Variants in TBC1D9 observed in about 807,000 individuals in gnomAD.
TBC1D9 encodes TBC1 domain family member 9A.
A neutral mutation model predicts 132.0 loss-of-function variants in TBC1D9; 63 were observed. The observed-to-expected ratio is 0.48, with a 90% CI of 0.39 to 0.59. TBC1D9 has a LOEUF of 0.59. Among genes scored for constraint, TBC1D9 ranks in the 20% least tolerant of loss-of-function variants. The pLI, the probability that TBC1D9 is intolerant of heterozygous loss-of-function variation, is 0.00. For missense variants in TBC1D9, 1,261 were observed against 1,592.7 expected, an observed-to-expected ratio of 0.79 and a Z score of 3.54; for synonymous variants, 610 against 609.9, an observed-to-expected ratio of 1.00 and a Z score of 0.00.
intron 1 of TBC1D9, among the ~76,000 whole-genome samples, chr4:140,731,439 C>T (rs1023003714): frequency 3.9e-5 from 6 of 152,090 alleles, no homozygotes; most frequent in Non-Finnish European, 7.4e-5. Flanking sequence ...CACGTGTAAT[C>T]CCAGCTACTT....
intron 1 of TBC1D9, among the ~76,000 whole-genome samples, chr4:140,720,837 T>C (rs1372299717): frequency 1.3e-5 from 2 of 152,218 alleles, no homozygotes; most frequent in African/African-American, 4.8e-5. Context: ...AGGTTTAATA[T>C]TTTCTGTTTG....
intron 1 of TBC1D9, among the ~76,000 whole-genome samples, chr4:140,707,420 T>A (rs1421495633): frequency 6.6e-6 from 1 of 152,212 alleles, no homozygotes; most frequent in Non-Finnish European, 1.5e-5. Flanking sequence ...TTGGATTTAC[T>A]TCTTTATATA....
chr4:140,742,963 T>C (rs1191143037), intron 1 of TBC1D9, among the ~76,000 whole-genome samples: 4 of 146,886 alleles, frequency 2.7e-5, no homozygotes, highest in Non-Finnish European at 4.5e-5. Flanking sequence ...AAAATGTACA[T>C]ACAGTATCAG....
At chr4:140,733,472 C>T (rs570767893) in intron 1 of TBC1D9, among the ~76,000 whole-genome samples, 1 of 152,262 alleles carries the variant, frequency 6.6e-6, no homozygotes, top group East Asian at 1.9e-4. Flanking sequence ...CTCTGTAATG[C>T]CTAGACCTCC....
intron 2 of TBC1D9, among the ~76,000 whole-genome samples, chr4:140,687,992 G>A (rs1258616364): frequency 1.3e-5 from 2 of 152,070 alleles, no homozygotes; most frequent in Admixed American, 6.6e-5. Flanking sequence ...GGGAGGAGGA[G>A]GTGAGAGGTC....
rs187381954 is a variant in TBC1D9 at position 140,708,689 on chromosome 4, G to A, written c.131-7075C>T. On this transcript the variant is annotated intron_variant, in intron 1 of 20. Transcript: ENST00000442267. ...TATAAATGCGCCAGAGTTCCTAGAG[G>A]CACCATAGCCAATGTGAAGGTACAT... is the stretch of plus-strand genomic sequence containing the variant. 1.1e-3 allele frequency among the ~76,000 whole-genome samples: 160 copies of A among 152,238 alleles called. 1 individual carries two copies. The highest frequency in any genetic ancestry group is 1.4e-3 in the African/African-American group (59 of 41,532).
chr4:140,640,034 C>T (rs552585561), intron 13 of TBC1D9, among the ~76,000 whole-genome samples: 19 of 152,136 alleles, frequency 1.2e-4, no homozygotes, highest in Non-Finnish European at 2.2e-4. Context: ...AAAAGAAAGA[C>T]AAAGAAACCC....
In TBC1D9 at chr4:140,679,202, C is replaced by T. The variant is rs201813694; in HGVS notation, c.591G>A (p.Ala197=). The T allele has an allele frequency of 3.6e-4, 577 of 1,612,188 alleles. No individual in the cohort carries two copies. Among genetic ancestry groups the T allele is most frequent in the Non-Finnish European group, 4.1e-4 (488 of 1,178,674 alleles). ...TGTCTACCCACCGGATGACCAGTTT[C>T]GCTGAGCACAAGGAACAAGCCTGGG... ...CFYSFLMGRE[A]KLVIRWVDIT... The change falls in exon 5 of 21, where the codon GCG becomes GCA. Residue 197 remains alanine, a splice_region_variant and synonymous_variant. Coordinates refer to ENST00000442267, the MANE Select transcript of TBC1D9 (RefSeq NM_015130.3).
At chr4:140,735,723 AAAAAT>A (rs1191173481) in intron 1 of TBC1D9, among the ~76,000 whole-genome samples, 2 of 152,198 alleles carry the variant, frequency 1.3e-5, no homozygotes, top group Non-Finnish European at 2.9e-5. Flanking sequence ...ATAAGTAAAT[AAAAAT>A]AAAAGTGTAC....
rs943075115 is a variant in TBC1D9 at position 140,645,405 on chromosome 4, G to A, written c.2338-5977C>T. On this transcript the variant is annotated intron_variant, in intron 13 of 20. Transcript: ENST00000442267. ...TGCTTCACCCTGGACACCAGAGCCCGCGCATCCAAATGCCTTGGCACTCTC... is the reference window on the plus strand; with the variant it reads ...TGCTTCACCCTGGACACCAGAGCCCACGCATCCAAATGCCTTGGCACTCTC... 7 of 456,772 alleles carry A rather than the reference G, an allele frequency of 1.5e-5. No individual in the cohort carries two copies. The East Asian group carries it at 2.0e-4, about 13-fold the overall frequency. The allele number at this position is 456,772 out of a possible 1,614,324, so 28.3% of individuals were successfully genotyped here. A position where few individuals can be genotyped will look rare whatever the true frequency, so the allele number is the denominator to read the frequency against.
intron 2 of TBC1D9, among the ~76,000 whole-genome samples, chr4:140,699,034 T>A (rs62346917): frequency 0.024 from 3,587 of 152,232 alleles, 49 homozygotes; most frequent in Middle Eastern, 0.037. Context: ...CTTTATATTT[T>A]TAGATCCCAG....
Position 140,622,810 on chromosome 4 carries a change from C to T in TBC1D9, c.3186G>A (p.Glu1062=), listed in dbSNP as rs115138266. Residue 1062 remains glutamate, a synonymous_variant, in exon 21 of 21, where the codon GAG becomes GAA. Coordinates refer to ENST00000442267, the MANE Select transcript of TBC1D9 (RefSeq NM_015130.3). ...CGAACAACTTGCCGACCTCCCCAAT[C>T]TCCAGCAGGAGGCTGGTCACTGCTG... The part of the protein sequence containing the change: ...ATAAVTSLLL[E]IGEVGKLFVA... 7.7e-4 allele frequency: 1,238 copies of T among 1,601,466 alleles called. 7 individuals are homozygous for T. The African/African-American group carries it at 0.015, about 19-fold the overall frequency.
chr4:140,731,524 T>C (rs1738589400), intron 1 of TBC1D9, among the ~76,000 whole-genome samples: 1 of 152,116 alleles, frequency 6.6e-6, no homozygotes, highest in Non-Finnish European at 1.5e-5. Context: ...AAAACCTGTC[T>C]CTATAAAAAT....
intron 2 of TBC1D9, among the ~76,000 whole-genome samples, chr4:140,694,151 G>C (rs1389651635): frequency 6.6e-6 from 1 of 152,090 alleles, no homozygotes; most frequent in Non-Finnish European, 1.5e-5. Flanking sequence ...AATGTGCAAA[G>C]ATTTTGTTGG....
At chr4:140,746,067 C>T (rs911165894) in intron 1 of TBC1D9, among the ~76,000 whole-genome samples, 3 of 152,190 alleles carry the variant, frequency 2.0e-5, no homozygotes, top group Non-Finnish European at 4.4e-5. Context: ...TTGATATGGA[C>T]TTAATTAGTC....
chr4:140,746,286 C>T (rs957390219), intron 1 of TBC1D9, among the ~76,000 whole-genome samples: 2 of 152,132 alleles, frequency 1.3e-5, no homozygotes, highest in African/African-American at 2.4e-5. Context: ...TTTTGTATAA[C>T]GAGAAACTGT....
chr4:140,634,019 G>A lies in TBC1D9; in HGVS notation c.2675C>T (p.Ser892Phe), dbSNP rs747307501. 2 of 1,613,972 alleles carry A rather than the reference G, an allele frequency of 1.2e-6. No individual in the cohort carries two copies. The highest frequency in any genetic ancestry group is 1.7e-6 in the Non-Finnish European group (2 of 1,179,888). The change falls in exon 16 of 21, where the codon TCC becomes TTC. Residue 892 changes from serine (S) to phenylalanine (F), a missense_variant. By Grantham distance (155) the Ser-to-Phe change is radical. Transcript: ENST00000442267. ...TTCATCTAATAACTGGAACAAGCGGGAGGCCAGAACGTCAGAGTGAGTTCC... is the reference window on the plus strand; with the variant it reads ...TTCATCTAATAACTGGAACAAGCGGAAGGCCAGAACGTCAGAGTGAGTTCC... ...ACGTHSDVLA[S>F]RLFQLLDENG...
chr4:140,756,094 C>CCTG lies in TBC1D9; in HGVS notation c.-50_-49insCAG. The CCTG allele has an allele frequency of 6.6e-7, 1 of 1,504,088 alleles. No homozygotes were observed. The highest frequency in any genetic ancestry group is 2.0e-5 in the Admixed American group (1 of 49,718). The allele number at this position is 1,504,088 out of a possible 1,614,324, so 93.2% of individuals were successfully genotyped here. A position where few individuals can be genotyped will look rare whatever the true frequency, so the allele number is the denominator to read the frequency against. On this transcript the variant is annotated 5_prime_UTR_variant, in exon 1 of 21. Transcript: ENST00000442267. The surrounding 1 kb of genome is among the most constrained non-coding windows in gnomAD (Gnocchi z 5.6). ...GCACAATGGGCCCGTGGGTCCAGTC[C>CCTG]TGCACCCACCACCGCGACAGGCGCG...
At chr4:140,623,059 A>G in intron 20 of TBC1D9, 142 bp from the exon 21 acceptor site, 1 of 1,012,210 alleles carries the variant, frequency 9.9e-7, no homozygotes, top group Non-Finnish European at 1.3e-6. Flanking sequence ...GACATGTTTA[A>G]AGTCTCCTAT....
Sources: gnomAD v4.1 joint callset for allele counts (sites outside exome capture counted in the v4.1 genomes callset) on GRCh38, gnomAD v4.1.1 for gene constraint, Gnocchi (gnomAD v3.1) non-coding constraint, MANE v1.5 for transcripts, NCBI Gene and HGNC (gene_info 2026-07-23, HGNC 2026-07-21) for gene names.